Variants in PBX3 observed in about 807,000 individuals in gnomAD.
PBX3 encodes the protein pre-B-cell leukemia transcription factor 3.
Under a neutral mutation model 48.5 loss-of-function variants are expected in PBX3, and 14 were observed. That is an observed-to-expected ratio of 0.29 (90% CI 0.19 to 0.45). PBX3 has a LOEUF of 0.45. Ranked by LOEUF, PBX3 falls within the 20% of genes least tolerant of loss-of-function variation. The probability of loss-of-function intolerance (pLI) is 1.00; values close to 1 mark genes in which losing one functional copy is unlikely to be tolerated. For synonymous variants in PBX3, 210 were observed against 200.3 expected (o/e 1.05, Z -0.41); for missense variants, 386 against 546.7 (o/e 0.71, Z 2.93).
intron 2 of PBX3, among the ~76,000 whole-genome samples, chr9:125,903,036 G>GA (rs1464468463): frequency 6.6e-6 from 1 of 151,794 alleles, no homozygotes; most frequent in Non-Finnish European, 1.5e-5. Flanking sequence ...GATTGAAAGA[G>GA]ATTTGTTATG....
intron 2 of PBX3, among the ~76,000 whole-genome samples, chr9:125,783,763 C>G (rs951957250): frequency 1.5e-4 from 23 of 152,050 alleles, no homozygotes; most frequent in African/African-American, 5.1e-4. Context: ...CTTTGAGAGG[C>G]TGAGGCGGGC....
intron 2 of PBX3, among the ~76,000 whole-genome samples, chr9:125,878,467 C>T (rs1205538385): frequency 8.5e-5 from 13 of 152,232 alleles, no homozygotes; most frequent in Admixed American, 8.5e-4. Context: ...GGTGTATACC[C>T]TTCAGACTGT....
chr9:125,781,555 A>C (rs1837313924), intron 2 of PBX3, among the ~76,000 whole-genome samples: 1 of 38,436 alleles, frequency 2.6e-5, no homozygotes. Flanking sequence ...GAGAGGGGAG[A>C]GGGGAGAGGC....
intron 4 of PBX3, among the ~76,000 whole-genome samples, chr9:125,933,863 T>G (rs1841774466): frequency 6.6e-6 from 1 of 152,200 alleles, no homozygotes; most frequent in African/African-American, 2.4e-5. Flanking sequence ...ACATTTTCAG[T>G]ATCTAGTCTA....
At chr9:125,797,208 G>A (rs529328762) in intron 2 of PBX3, among the ~76,000 whole-genome samples, 71 of 152,062 alleles carry the variant, frequency 4.7e-4, no homozygotes, top group African/African-American at 1.6e-3. Flanking sequence ...AACATAAAGA[G>A]CCTAGATTCT....
chr9:125,925,626 T>G (rs552639453), intron 3 of PBX3, among the ~76,000 whole-genome samples: 8 of 152,292 alleles, frequency 5.3e-5, no homozygotes, highest in African/African-American at 1.9e-4. Flanking sequence ...TAATTTTTTA[T>G]ATTTTTGGTA....
rs1838214463 is a variant in PBX3 at position 125,809,170 on chromosome 9, C to A, written c.274+60547C>A. Among the ~76,000 whole-genome samples, 2 of 152,204 alleles carry A rather than the reference C, an allele frequency of 1.3e-5. 1 individual carries two copies. Among genetic ancestry groups the A allele is most frequent in the South Asian group, 4.1e-4 (2 of 4,834 alleles). Reference sequence around the variant, plus strand: ...CAAGAAAGCTGAGCGTCATTTTGTTCAACTTCAGCTGGGAATGTGGGTGTT... The same window carrying A: ...CAAGAAAGCTGAGCGTCATTTTGTTAAACTTCAGCTGGGAATGTGGGTGTT... On this transcript the variant is annotated intron_variant, in intron 2 of 8. Transcript: ENST00000373489.
chr9:125,804,461 T>A (rs1283230145), intron 2 of PBX3, among the ~76,000 whole-genome samples: 1 of 152,114 alleles, frequency 6.6e-6, no homozygotes, highest in Non-Finnish European at 1.5e-5. Flanking sequence ...TACAAAACCA[T>A]TTTCTAGGGA....
chr9:125,814,953 G>A (rs1838414883), intron 2 of PBX3, among the ~76,000 whole-genome samples: 1 of 152,104 alleles, frequency 6.6e-6, no homozygotes, highest in Admixed American at 6.6e-5. Flanking sequence ...AAGGATTAGG[G>A]AATTACAGCC....
At chr9:125,772,274 T>C (rs1299328256) in intron 2 of PBX3, among the ~76,000 whole-genome samples, 1 of 152,202 alleles carries the variant, frequency 6.6e-6, no homozygotes, top group African/African-American at 2.4e-5. Context: ...TCTTGGATGA[T>C]TGACAGGTAT....
chr9:125,832,474 C>T (rs758334272), intron 2 of PBX3, among the ~76,000 whole-genome samples: 3 of 152,236 alleles, frequency 2.0e-5, no homozygotes, highest in Admixed American at 2.0e-4. Context: ...GGATTACAGG[C>T]GTGAGCCCCT....
At chr9:125,776,834 G>C (rs931550972) in intron 2 of PBX3, among the ~76,000 whole-genome samples, 5 of 152,078 alleles carry the variant, frequency 3.3e-5, no homozygotes, top group Non-Finnish European at 7.4e-5. Flanking sequence ...GTGAGCCACT[G>C]TGCCTGGTCT....
intron 2 of PBX3, among the ~76,000 whole-genome samples, chr9:125,863,460 T>G (rs1839911115): frequency 6.6e-6 from 1 of 152,184 alleles, no homozygotes; most frequent in Non-Finnish European, 1.5e-5. Flanking sequence ...TCTGCCCACC[T>G]TGGCCTCCCA....
intron 5 of PBX3, among the ~76,000 whole-genome samples, chr9:125,944,088 T>C (rs1349876807): frequency 6.6e-6 from 1 of 152,158 alleles, no homozygotes; most frequent in African/African-American, 2.4e-5. Flanking sequence ...GACAATGTAG[T>C]CCAAAGGGTG....
At chr9:125,811,224 G>A (rs1438943680) in intron 2 of PBX3, among the ~76,000 whole-genome samples, 5 of 152,126 alleles carry the variant, frequency 3.3e-5, no homozygotes, top group East Asian at 1.9e-4. Flanking sequence ...AATCAGTGTC[G>A]TAGCTTGGGC....
At chr9:125,788,942 C>T (rs1364255528) in intron 2 of PBX3, among the ~76,000 whole-genome samples, 1 of 150,578 alleles carries the variant, frequency 6.6e-6, no homozygotes, top group Non-Finnish European at 1.5e-5. Flanking sequence ...TTTCTCTTTC[C>T]TCCCCACACT....
intron 2 of PBX3, among the ~76,000 whole-genome samples, chr9:125,887,739 TAAAAGTA>T (rs1357533172): frequency 6.6e-6 from 1 of 152,166 alleles, no homozygotes; most frequent in Non-Finnish European, 1.5e-5. Context: ...TTTAAGTTCT[TAAAAGTA>T]AAAAGTTCCA....
chr9:125,933,377 A>G (rs1254579758), intron 4 of PBX3, among the ~76,000 whole-genome samples: 1 of 152,206 alleles, frequency 6.6e-6, no homozygotes, highest in African/African-American at 2.4e-5. Context: ...CACAGCCAGA[A>G]TGTCCGGTGA....
At chr9:125,750,740 G>A (rs1222719523) in intron 2 of PBX3, among the ~76,000 whole-genome samples, 1 of 152,222 alleles carries the variant, frequency 6.6e-6, no homozygotes, top group African/African-American at 2.4e-5. Flanking sequence ...AAAGCCAACA[G>A]CCGACAAAGA....
Sources: gnomAD v4.1 joint callset for allele counts (sites outside exome capture counted in the v4.1 genomes callset) on GRCh38, gnomAD v4.1.1 for gene constraint, MANE v1.5 for transcripts, NCBI Gene and HGNC (gene_info 2026-07-23, HGNC 2026-07-21) for gene names.